Variants in MRPS28 observed in about 807,000 individuals in gnomAD.
MRPS28 encodes the protein mitochondrial ribosomal protein S28, also known as small ribosomal subunit protein bS1m.
In MRPS28, 7 loss-of-function variants were observed where a neutral mutation model predicts 10.8. The observed-to-expected ratio is 0.65, with a 90% CI of 0.37 to 1.22. The LOEUF is 1.22. Among genes scored for constraint, MRPS28 ranks in the 50% most tolerant of loss-of-function variants. The pLI is 0.02. For missense variants in MRPS28, 265 were observed against 232.9 expected (o/e 1.14, Z -0.90); for synonymous variants, 121 against 93.3 (o/e 1.30, Z -1.71).
chr8:79,919,898 T>C (rs974156382), intron 2 of MRPS28, among the ~76,000 whole-genome samples: 4 of 151,708 alleles, frequency 2.6e-5, no homozygotes, highest in African/African-American at 4.8e-5. Flanking sequence ...GCTGCACCCA[T>C]TAACTCGTCA....
At chr8:80,018,695 T>C (rs1297337800) in intron 1 of MRPS28, among the ~76,000 whole-genome samples, 1 of 152,246 alleles carries the variant, frequency 6.6e-6, no homozygotes, top group Non-Finnish European at 1.5e-5. Flanking sequence ...ACATTTCCCA[T>C]GTTTGCTGTA....
At chr8:79,983,646 A>C (rs1808049644) in intron 2 of MRPS28, among the ~76,000 whole-genome samples, 1 of 152,254 alleles carries the variant, frequency 6.6e-6, no homozygotes, top group Non-Finnish European at 1.5e-5. Flanking sequence ...TCAGGAGCTG[A>C]TGCGATCAAC....
intron 1 of MRPS28, among the ~76,000 whole-genome samples, chr8:80,018,804 C>T (rs1792532177): frequency 6.6e-6 from 1 of 152,190 alleles, no homozygotes; most frequent in Non-Finnish European, 1.5e-5. Flanking sequence ...TGCAGTACTA[C>T]TATTCAGTCA....
intron 2 of MRPS28, among the ~76,000 whole-genome samples, chr8:79,968,981 T>C (rs994553807): frequency 6.6e-6 from 1 of 152,168 alleles, no homozygotes; most frequent in Non-Finnish European, 1.5e-5. Context: ...ATGGGAATAA[T>C]AACAGTGTGT....
At chr8:79,983,420 C>T (rs538043424) in intron 2 of MRPS28, among the ~76,000 whole-genome samples, 53 of 152,170 alleles carry the variant, frequency 3.5e-4, no homozygotes, top group African/African-American at 9.2e-4. Context: ...CAAAGCTGGA[C>T]GGAGAATGAC....
At chr8:79,950,981 G>A (rs1226472913) in intron 2 of MRPS28, among the ~76,000 whole-genome samples, 4 of 151,906 alleles carry the variant, frequency 2.6e-5, no homozygotes, top group African/African-American at 9.7e-5. Context: ...CTTCTTCCTG[G>A]CATGCCCCAT....
At chr8:79,941,101 C>T (rs901307064) in intron 2 of MRPS28, among the ~76,000 whole-genome samples, 1 of 152,032 alleles carries the variant, frequency 6.6e-6, no homozygotes, top group Non-Finnish European at 1.5e-5. Context: ...GCCTGGGCAA[C>T]ACAGCAAGAC....
chr8:79,965,233 T>C (rs1305451401), intron 2 of MRPS28, among the ~76,000 whole-genome samples: 9 of 152,156 alleles, frequency 5.9e-5, no homozygotes, highest in Non-Finnish European at 8.8e-5. Flanking sequence ...TAAAGTACTA[T>C]TATTTTTACA....
intron 2 of MRPS28, among the ~76,000 whole-genome samples, chr8:79,997,193 T>A (rs1808521616): frequency 6.6e-6 from 1 of 152,140 alleles, no homozygotes; most frequent in Admixed American, 6.6e-5. Flanking sequence ...GTTCCCATGA[T>A]GGGAAAAGTG....
At chr8:80,015,674 C>T (rs10112519) in intron 1 of MRPS28, among the ~76,000 whole-genome samples, 116,766 of 152,092 alleles carry the variant, frequency 0.77, 45,368 homozygotes, top group African/African-American at 0.88. Flanking sequence ...GCAAAAAACA[C>T]AGTTTGAAGA....
chr8:79,999,094 G>A (rs977131210), intron 2 of MRPS28, among the ~76,000 whole-genome samples: 37 of 152,172 alleles, frequency 2.4e-4, no homozygotes, highest in Admixed American at 6.5e-5. Flanking sequence ...ATGATGAACA[G>A]ATTATGTAAA....
At chr8:79,971,453 T>C (rs959403950) in intron 2 of MRPS28, among the ~76,000 whole-genome samples, 2 of 152,162 alleles carry the variant, frequency 1.3e-5, no homozygotes, top group South Asian at 2.1e-4. Context: ...TTTTAACATT[T>C]GTATCACCCC....
intron 2 of MRPS28, among the ~76,000 whole-genome samples, chr8:79,954,433 A>T (rs1043740784): frequency 2.0e-5 from 3 of 152,136 alleles, no homozygotes; most frequent in Non-Finnish European, 4.4e-5. Context: ...AACGATTCTG[A>T]AATCTAGCCA....
chr8:79,947,461 C>T (rs543344209), intron 2 of MRPS28, among the ~76,000 whole-genome samples: 1 of 152,064 alleles, frequency 6.6e-6, no homozygotes, highest in East Asian at 1.9e-4. Context: ...ATGATTTTGA[C>T]TGAGATTACA....
At chr8:79,966,199 CAG>C (rs1340189025) in intron 2 of MRPS28, among the ~76,000 whole-genome samples, 1 of 151,800 alleles carries the variant, frequency 6.6e-6, no homozygotes, top group Admixed American at 6.6e-5. Context: ...AAAAAATAAA[CAG>C]AACACTGAAG....
intron 2 of MRPS28, among the ~76,000 whole-genome samples, chr8:79,979,580 G>C (rs1422429615): frequency 6.6e-6 from 1 of 152,082 alleles, no homozygotes; most frequent in Non-Finnish European, 1.5e-5. Flanking sequence ...CTGAAGTGCA[G>C]TGGCACAAAC....
At chr8:80,024,358 G>A (rs1809446377) in intron 1 of MRPS28, among the ~76,000 whole-genome samples, 1 of 152,216 alleles carries the variant, frequency 6.6e-6, no homozygotes. Context: ...CATGGGATGA[G>A]TATGGAACCT....
intron 2 of MRPS28, among the ~76,000 whole-genome samples, chr8:79,985,789 T>C (rs1337779323): frequency 6.6e-6 from 1 of 152,010 alleles, no homozygotes; most frequent in Admixed American, 6.6e-5. Flanking sequence ...AATCAATAGC[T>C]TACCAACCAA....
intron 2 of MRPS28, among the ~76,000 whole-genome samples, chr8:79,997,612 G>A (rs1170032146): frequency 1.3e-5 from 2 of 150,204 alleles, no homozygotes; most frequent in East Asian, 1.9e-4. Flanking sequence ...GCAGAGATGG[G>A]GGAAAAAAAA....
Sources: gnomAD v4.1 joint callset for allele counts (sites outside exome capture counted in the v4.1 genomes callset) on GRCh38, gnomAD v4.1.1 for gene constraint, MANE v1.5 for transcripts, NCBI Gene and HGNC (gene_info 2026-07-23, HGNC 2026-07-21) for gene names.